Variants in GPR158 observed in about 807,000 individuals in gnomAD.
GPR158 encodes the protein metabotropic glycine receptor.
GPR158 carries 30 observed loss-of-function variants against 78.2 expected under a neutral mutation model. The observed-to-expected ratio is 0.38, with a 90% confidence interval of 0.29 to 0.52. GPR158 has a LOEUF of 0.52. GPR158 is among the 20% of genes least tolerant of loss of function. The pLI is 0.83. For missense variants in GPR158, 1,463 were observed against 1,523.5 expected (o/e 0.96, Z 0.66); for synonymous variants, 581 against 591.1 (o/e 0.98, Z 0.25).
intron 5 of GPR158, among the ~76,000 whole-genome samples, chr10:25,534,107 G>A (rs143715886): frequency 4.6e-5 from 7 of 152,288 alleles, no homozygotes; most frequent in African/African-American, 1.4e-4. Flanking sequence ...CCAGCTTTCA[G>A]CTTTCTTTGA....
At chr10:25,420,588 T>C (rs2094648) in intron 4 of GPR158, among the ~76,000 whole-genome samples, 106,389 of 152,068 alleles carry the variant, frequency 0.7, 38,232 homozygotes, top group Non-Finnish European at 0.8. Flanking sequence ...GGGAGTTTTA[T>C]AGTTTTAGGA....
chr10:25,318,799 C>G (rs1854902246), intron 2 of GPR158, among the ~76,000 whole-genome samples: 1 of 152,132 alleles, frequency 6.6e-6, no homozygotes, highest in Admixed American at 6.6e-5. Flanking sequence ...TTAAATCCAT[C>G]AGTTGCTTAT....
chr10:25,209,306 T>C (rs1853096113), intron 1 of GPR158, among the ~76,000 whole-genome samples: 1 of 152,266 alleles, frequency 6.6e-6, no homozygotes, highest in Non-Finnish European at 1.5e-5. Context: ...TTAAATGATC[T>C]GTGTCTGCTT....
chr10:25,473,269 G>A (rs12414735), intron 5 of GPR158, among the ~76,000 whole-genome samples: 1,819 of 152,036 alleles, frequency 0.012, 58 homozygotes, highest in Admixed American at 0.074. Flanking sequence ...ATTGATTTGC[G>A]TATATTGAAC....
intron 4 of GPR158, among the ~76,000 whole-genome samples, chr10:25,446,482 C>T (rs868560618): frequency 1.7e-4 from 26 of 151,686 alleles, no homozygotes; most frequent in Non-Finnish European, 1.5e-5. Flanking sequence ...TTAACATTAA[C>T]GAATCCATTC....
intron 1 of GPR158, among the ~76,000 whole-genome samples, chr10:25,216,622 C>T (rs983970754): frequency 6.6e-6 from 1 of 152,064 alleles, no homozygotes; most frequent in Admixed American, 6.6e-5. Flanking sequence ...GAAAACATAT[C>T]ATTGAAAATC....
intron 4 of GPR158, among the ~76,000 whole-genome samples, chr10:25,423,565 G>A (rs888093239): frequency 6.6e-6 from 1 of 152,062 alleles, no homozygotes; most frequent in African/African-American, 2.4e-5. Context: ...GCCCCAGTGT[G>A]TGATGTTTGC....
At chr10:25,328,927 C>CAAA (rs3054026) in intron 2 of GPR158, among the ~76,000 whole-genome samples, 1,413 of 88,908 alleles carry the variant, frequency 0.016, 96 homozygotes, top group African/African-American at 0.049. Context: ...AACTTCATCA[C>CAAA]AAAAAAAAAA....
At chr10:25,200,468 CTGTT>C (rs970783792) in intron 1 of GPR158, among the ~76,000 whole-genome samples, 1 of 152,136 alleles carries the variant, frequency 6.6e-6, no homozygotes, top group African/African-American at 2.4e-5. Flanking sequence ...TGTGGGGTGT[CTGTT>C]TGCTCTGTGG....
intron 2 of GPR158, among the ~76,000 whole-genome samples, chr10:25,329,895 G>T (rs1430185729): frequency 2.0e-5 from 3 of 151,962 alleles, no homozygotes; most frequent in South Asian, 2.1e-4. Flanking sequence ...AAATAATAAT[G>T]TTAATAGTAT....
intron 5 of GPR158, among the ~76,000 whole-genome samples, chr10:25,470,183 A>T (rs961983310): frequency 6.6e-6 from 1 of 151,958 alleles, no homozygotes; most frequent in Middle Eastern, 3.4e-3. Context: ...TAATTTTTCT[A>T]TTTATTCTTA....
chr10:25,370,300 C>A (rs1021084930), intron 2 of GPR158, among the ~76,000 whole-genome samples: 5 of 147,762 alleles, frequency 3.4e-5, no homozygotes, highest in African/African-American at 1.0e-4. Context: ...CTCTTGTGGG[C>A]ATTTAGTGCT....
At chr10:25,194,995 A>G in intron 1 of GPR158, among the ~76,000 whole-genome samples, 1 of 152,246 alleles carries the variant, frequency 6.6e-6, no homozygotes, top group African/African-American at 2.4e-5. Flanking sequence ...ATTGACAGAT[A>G]AATAATCGGA....
At chr10:25,553,714 AGAG>A (rs1836754062) in intron 6 of GPR158, among the ~76,000 whole-genome samples, 1 of 152,176 alleles carries the variant, frequency 6.6e-6, no homozygotes, top group African/African-American at 2.4e-5. Flanking sequence ...GGTGTCTCCT[AGAG>A]TCAAGAAACA....
At chr10:25,230,539 T>C (rs1853433756) in intron 2 of GPR158, among the ~76,000 whole-genome samples, 1 of 151,872 alleles carries the variant, frequency 6.6e-6, no homozygotes, top group East Asian at 1.9e-4. Context: ...TTTTGAAGAA[T>C]CAAAGAAATT....
chr10:25,301,576 T>C (rs67389824), intron 2 of GPR158, among the ~76,000 whole-genome samples: 1 of 151,816 alleles, frequency 6.6e-6, no homozygotes, highest in East Asian at 1.9e-4. Context: ...TGTGTTGGGA[T>C]TGTGAGGAAT....
chr10:25,430,171 T>G (rs1459656016), intron 4 of GPR158, among the ~76,000 whole-genome samples: 7 of 152,122 alleles, frequency 4.6e-5, no homozygotes, highest in African/African-American at 1.7e-4. Flanking sequence ...AGTCTCAGGA[T>G]ACAAAATCAA....
rs1289803392 is a variant in GPR158 at position 25,308,143 on chromosome 10, TTTATTTTA to T, written c.1008+86997_1008+87004del. ...AATATTGGTAAAGGGTGCTATCTTT[TTTATTTTA>T]TTATTTTATTTTATTTTAAGTTCTG... On this transcript the variant is annotated intron_variant, in intron 2 of 10. Transcript: ENST00000376351. Among the ~76,000 whole-genome samples, 3 of 152,190 alleles carry T rather than the reference TTTATTTTA, an allele frequency of 2.0e-5. No homozygotes were observed. In the East Asian group the frequency reaches 5.8e-4, roughly 29 times the overall value.
At chr10:25,467,667 G>A (rs1017410769) in intron 5 of GPR158, among the ~76,000 whole-genome samples, 1 of 152,054 alleles carries the variant, frequency 6.6e-6, no homozygotes, top group Non-Finnish European at 1.5e-5. Context: ...GATAAAAATC[G>A]GAGCTTGGTC....
Sources: allele counts gnomAD v4.1 joint callset (sites outside exome capture counted in the v4.1 genomes callset), GRCh38; gene constraint gnomAD v4.1.1; transcripts MANE v1.5; gene names NCBI Gene and HGNC (gene_info 2026-07-23, HGNC 2026-07-21).